GREB1L: variants seen among roughly 807,000 people sequenced by gnomAD.
GREB1L encodes GREB1-like protein.
In GREB1L, 17 loss-of-function variants were observed where a neutral mutation model predicts 200.8. The observed-to-expected ratio is 0.08, with a 90% confidence interval of 0.06 to 0.13. The LOEUF is 0.13. Ranked by LOEUF, GREB1L falls within the 10% of genes least tolerant of loss-of-function variation. The pLI is 1.00. For missense variants in GREB1L, 1,657 were observed against 2,367.7 expected (o/e 0.70, Z 6.23); for synonymous variants, 789 against 893.0 (o/e 0.88, Z 2.08).
At chr18:21,256,877 C>T (rs929711545) in intron 1 of GREB1L, among the ~76,000 whole-genome samples, 10 of 151,926 alleles carry the variant, frequency 6.6e-5, no homozygotes, top group South Asian at 2.1e-4. Flanking sequence ...TGTTGGTACA[C>T]GCCTATAATC....
chr18:21,508,477 A>G lies in GREB1L; in HGVS notation c.4621A>G (p.Ile1541Val). The G allele has an allele frequency of 6.4e-7, 1 of 1,551,720 alleles. No homozygotes were observed. The highest frequency in any genetic ancestry group is 8.7e-7 in the Non-Finnish European group (1 of 1,147,008). Residue 1541 changes from isoleucine to valine, a missense_variant, in exon 27 of 33, where the codon ATC becomes GTC. Transcript: ENST00000424526. ...AAACCTTTTCCACGCCATGGAGGGC[A>G]TCAGCCACCTTCACCTCCTGGTGGT... ...LLNLFHAMEG[I>V]SHLHLLVVKE...
At chr18:21,501,447 T>C (rs778880318) in intron 23 of GREB1L, among the ~76,000 whole-genome samples, 4 of 152,170 alleles carry the variant, frequency 2.6e-5, no homozygotes, top group African/African-American at 4.8e-5. Flanking sequence ...TGTGTTCTCA[T>C]TGTTCAGCTC....
chr18:21,289,545 C>T (rs181216804), intron 1 of GREB1L, among the ~76,000 whole-genome samples: 4 of 150,802 alleles, frequency 2.7e-5, no homozygotes, highest in South Asian at 4.2e-4. Flanking sequence ...CATCCCCCCC[C>T]GCAAAAAAAA....
At chr18:21,344,228 C>T (rs1406291011) in intron 1 of GREB1L, among the ~76,000 whole-genome samples, 5 of 152,076 alleles carry the variant, frequency 3.3e-5, no homozygotes, top group Admixed American at 6.6e-5. Context: ...GGTGAAACCC[C>T]GTCTCTATGA....
chr18:21,304,912 A>G (rs1263145105), intron 1 of GREB1L, among the ~76,000 whole-genome samples: 4 of 151,884 alleles, frequency 2.6e-5, no homozygotes, highest in African/African-American at 2.4e-5. Flanking sequence ...CTTCCCTACA[A>G]TGTCAACTAT....
chr18:21,491,335 C>A (rs552230321), intron 19 of GREB1L, among the ~76,000 whole-genome samples: 1 of 152,126 alleles, frequency 6.6e-6, no homozygotes, highest in African/African-American at 2.4e-5. Context: ...CCCTGGGCTG[C>A]GGTTTCCCAT....
chr18:21,250,814 G>A (rs1362516869), intron 1 of GREB1L, among the ~76,000 whole-genome samples: 2 of 152,066 alleles, frequency 1.3e-5, no homozygotes, highest in African/African-American at 2.4e-5. Context: ...TTTGGAAAGG[G>A]CACATTTATA....
chr18:21,484,712 A>T (rs1232043017), intron 17 of GREB1L, among the ~76,000 whole-genome samples: 1 of 151,998 alleles, frequency 6.6e-6, no homozygotes, highest in Non-Finnish European at 1.5e-5. Context: ...AATCCCAGCC[A>T]CTCGGGAGGC....
At chr18:21,371,978 T>C (rs118000006) in intron 2 of GREB1L, among the ~76,000 whole-genome samples, 4,983 of 151,850 alleles carry the variant, frequency 0.033, 139 homozygotes, top group Middle Eastern at 0.045. Flanking sequence ...ATACTAGGAG[T>C]AGGTGGGTAC....
intron 18 of GREB1L, among the ~76,000 whole-genome samples, chr18:21,487,172 T>C (rs1383458216): frequency 6.6e-6 from 1 of 152,268 alleles, no homozygotes; most frequent in Non-Finnish European, 1.5e-5. Flanking sequence ...ATCCACCAGC[T>C]TGAAATGCAT....
intron 2 of GREB1L, among the ~76,000 whole-genome samples, chr18:21,369,215 T>C (rs143409213): frequency 6.0e-4 from 92 of 152,302 alleles, no homozygotes; most frequent in Middle Eastern, 6.8e-3. Context: ...TCGGAAACCA[T>C]AGAGACTCTG....
chr18:21,317,110 G>T (rs376574167), intron 1 of GREB1L, among the ~76,000 whole-genome samples: 1 of 151,816 alleles, frequency 6.6e-6, no homozygotes, highest in Non-Finnish European at 1.5e-5. Context: ...TATCCAAGCG[G>T]GTGCCGTGTT....
chr18:21,519,408 ATC>A (rs2146120539), intron 31 of GREB1L, among the ~76,000 whole-genome samples: 1 of 152,300 alleles, frequency 6.6e-6, no homozygotes, highest in East Asian at 1.9e-4. Context: ...GGTTGCAGTG[ATC>A]TGATTTGTGC....
chr18:21,340,839 C>T (rs760667878), intron 1 of GREB1L, among the ~76,000 whole-genome samples: 3 of 152,092 alleles, frequency 2.0e-5, no homozygotes, highest in African/African-American at 2.4e-5. Context: ...CCACCGCACC[C>T]GGCCCTAACC....
At chr18:21,419,886 A>G (rs990328407) in intron 7 of GREB1L, among the ~76,000 whole-genome samples, 33 of 151,820 alleles carry the variant, frequency 2.2e-4, no homozygotes, top group Non-Finnish European at 4.0e-4. Flanking sequence ...ACATACAAAA[A>G]TTAGATAGGT....
intron 7 of GREB1L, among the ~76,000 whole-genome samples, chr18:21,419,811 A>G (rs1407907829): frequency 2.6e-5 from 4 of 152,218 alleles, no homozygotes; most frequent in Non-Finnish European, 4.4e-5. Context: ...CCTTTTCAGC[A>G]AATGGTACTG....
intron 7 of GREB1L, among the ~76,000 whole-genome samples, chr18:21,431,919 C>CTTTTTTTTTTTTTTTTT (rs773523492): frequency 1.8e-4 from 16 of 91,258 alleles, no homozygotes; most frequent in East Asian, 3.6e-4. Context: ...CTTTTCTTTT[C>CTTTTTTTTTTTTTTTTT]TTTTTTTTTT....
At chr18:21,517,947 G>A (rs2037477269) in intron 30 of GREB1L, 87 bp from the exon 31 acceptor site, 4 of 1,011,838 alleles carry the variant, frequency 4.0e-6, no homozygotes, top group Middle Eastern at 2.9e-4. Flanking sequence ...ATTATTTGGC[G>A]ACTGTTAGGA....
At chr18:21,299,797 AG>A (rs1179814188) in intron 1 of GREB1L, among the ~76,000 whole-genome samples, 3 of 152,222 alleles carry the variant, frequency 2.0e-5, no homozygotes, top group Non-Finnish European at 2.9e-5. Context: ...TTCAAAAGGC[AG>A]ATATATTTTG....
Sources: gnomAD v4.1 joint callset for allele counts (sites outside exome capture counted in the v4.1 genomes callset) on GRCh38, gnomAD v4.1.1 for gene constraint, MANE v1.5 for transcripts, NCBI Gene and HGNC (gene_info 2026-07-23, HGNC 2026-07-21) for gene names.